OR10J1: variants seen among roughly 807,000 people sequenced by gnomAD.
The protein encoded by OR10J1 is olfactory receptor family 10 subfamily J member 1.
For missense variants in OR10J1, 474 were observed against 376.6 expected (o/e 1.26, Z -2.14); for synonymous variants, 202 against 143.8 (o/e 1.40, Z -2.89).
At chr1:159,422,983 T>C in the OR10J1 span, among the ~76,000 whole-genome samples, 2 of 152,224 alleles carry the variant, frequency 1.3e-5, no homozygotes, top group Non-Finnish European at 2.9e-5. Context: ...TCAAATGAGC[T>C]ATTCAAAGTA....
chr1:159,416,700 C>T, the OR10J1 span, among the ~76,000 whole-genome samples: 1 of 151,896 alleles, frequency 6.6e-6, no homozygotes, highest in African/African-American at 2.4e-5. Context: ...TCAGTGAAGC[C>T]ATCCAATTCT....
chr1:159,432,489 C>T, the OR10J1 span: 1 of 425,672 alleles, frequency 2.3e-6, no homozygotes, highest in East Asian at 3.4e-5. Context: ...CATCTCCATC[C>T]CAGGCTGTGC....
At chr1:159,435,017 C>G (rs574734917), upstream of OR10J1, among the ~76,000 whole-genome samples, 1 of 152,140 alleles carries the variant, frequency 6.6e-6, no homozygotes, top group African/African-American at 2.4e-5. Context: ...ATCCTATGTT[C>G]CAGTAAAAGG....
the OR10J1 span, among the ~76,000 whole-genome samples, chr1:159,424,880 A>T: frequency 6.6e-6 from 1 of 152,252 alleles, no homozygotes; most frequent in East Asian, 1.9e-4. Context: ...CATAGCAAGA[A>T]AGAAAATAAG....
the OR10J1 span, among the ~76,000 whole-genome samples, chr1:159,399,078 C>T: frequency 1.3e-5 from 2 of 151,830 alleles, no homozygotes; most frequent in Admixed American, 1.3e-4. Flanking sequence ...AGCTTCACTA[C>T]ATCTGGCAGT....
chr1:159,433,141 G>A, upstream of OR10J1: 1 of 411,602 alleles, frequency 2.4e-6, no homozygotes, highest in Non-Finnish European at 4.3e-6. Context: ...TCTCTTAGGT[G>A]CTGGTCAGTT....
At chr1:159,417,102 C>T in the OR10J1 span, among the ~76,000 whole-genome samples, 1 of 151,900 alleles carries the variant, frequency 6.6e-6, no homozygotes. Context: ...ATTTCTTCTA[C>T]TAATTTTGAA....
At chr1:159,432,401 GCTGT>G in the OR10J1 span, 3 of 403,438 alleles carry the variant, frequency 7.4e-6, no homozygotes, top group East Asian at 3.5e-5. Context: ...TCCTGAGTGT[GCTGT>G]CTATTTCTGA....
chr1:159,439,725 G>A lies in OR10J1; in HGVS notation c.-67G>A. ...GAACTTCAATCAATTTCAGAAATGT[G>A]CTTCTACTGCTTTACTGGGACTATG... On this transcript the variant is annotated 5_prime_UTR_variant, in exon 1 of 1. Coordinates refer to ENST00000423932, the MANE Select transcript of OR10J1 (RefSeq NM_012351.3). 6.3e-7 allele frequency: 1 copy of A among 1,589,716 alleles called. No homozygotes were observed. The highest frequency in any genetic ancestry group is 1.7e-5 in the Admixed American group (1 of 58,508).
the OR10J1 span, chr1:159,405,664 G>A: frequency 1.0e-5 from 5 of 502,176 alleles, no homozygotes; most frequent in Non-Finnish European, 1.9e-5. Flanking sequence ...GGTGGCACAG[G>A]CCTTCTTCCT....
At chr1:159,407,317 T>C in the OR10J1 span, among the ~76,000 whole-genome samples, 1 of 152,128 alleles carries the variant, frequency 6.6e-6, no homozygotes, top group Non-Finnish European at 1.5e-5. Flanking sequence ...CACCAGGTCA[T>C]AACTATGTAA....
chr1:159,400,705 A>G, the OR10J1 span, among the ~76,000 whole-genome samples: 2 of 151,912 alleles, frequency 1.3e-5, no homozygotes, highest in African/African-American at 4.8e-5. Context: ...AGCATTGGAC[A>G]GATCTTCCAG....
At chr1:159,407,235 A>G in the OR10J1 span, among the ~76,000 whole-genome samples, 1 of 152,146 alleles carries the variant, frequency 6.6e-6, no homozygotes, top group African/African-American at 2.4e-5. Context: ...TTATGGCTCA[A>G]AGAAGAAATA....
At chr1:159,398,550 CAA>C in the OR10J1 span, among the ~76,000 whole-genome samples, 2 of 152,034 alleles carry the variant, frequency 1.3e-5, no homozygotes, top group African/African-American at 4.8e-5. Flanking sequence ...ATATATTTAA[CAA>C]AGAGATTGAA....
chr1:159,425,554 G>C, the OR10J1 span, among the ~76,000 whole-genome samples: 1 of 151,798 alleles, frequency 6.6e-6, no homozygotes. Context: ...CAAGATACTC[G>C]AAAACTTAAT....
chr1:159,425,241 G>A, the OR10J1 span, among the ~76,000 whole-genome samples: 2 of 152,016 alleles, frequency 1.3e-5, no homozygotes, highest in Non-Finnish European at 2.9e-5. Flanking sequence ...ATCAAAATGA[G>A]GGATCTAGGA....
At chr1:159,421,660 A>G in the OR10J1 span, among the ~76,000 whole-genome samples, 4 of 152,106 alleles carry the variant, frequency 2.6e-5, no homozygotes, top group Admixed American at 6.6e-5. Context: ...TAGCTGTACA[A>G]TGTCAGTGGT....
At chr1:159,436,512 G>A (rs1285469939), upstream of OR10J1, among the ~76,000 whole-genome samples, 1 of 152,064 alleles carries the variant, frequency 6.6e-6, no homozygotes, top group Non-Finnish European at 1.5e-5. Flanking sequence ...AGCCTAGCTG[G>A]TTTTTCTTCC....
chr1:159,409,048 A>G, the OR10J1 span, among the ~76,000 whole-genome samples: 3 of 152,082 alleles, frequency 2.0e-5, no homozygotes, highest in African/African-American at 7.2e-5. Flanking sequence ...TATGTCCGTC[A>G]TGTACTTCCT....
Sources: gnomAD v4.1 joint callset for allele counts (sites outside exome capture counted in the v4.1 genomes callset) on GRCh38, gnomAD v4.1.1 for gene constraint, MANE v1.5 for transcripts, NCBI Gene and HGNC (gene_info 2026-07-23, HGNC 2026-07-21) for gene names.